The following CEP57L1 variants were observed in gnomAD, a reference collection of about 807,000 sequenced individuals.
CEP57L1 encodes the protein centrosomal protein CEP57L1.
Under a neutral mutation model 61.0 loss-of-function variants are expected in CEP57L1, and 37 were observed. That is an observed-to-expected ratio of 0.61 (90% CI 0.47 to 0.80). The LOEUF is 0.80. CEP57L1 is among the 30% of genes least tolerant of loss of function. The pLI is 0.00. For synonymous variants in CEP57L1, 137 were observed against 162.3 expected (o/e 0.84, Z 1.19); for missense variants, 422 against 524.7 (o/e 0.80, Z 1.91).
intron 10 of CEP57L1, among the ~76,000 whole-genome samples, chr6:109,161,121 C>A (rs568357481): frequency 6.6e-6 from 1 of 152,196 alleles, no homozygotes; most frequent in South Asian, 2.1e-4. Flanking sequence ...ACCTGGCTCC[C>A]AAGCAGTGCC....
intron 1 of CEP57L1, among the ~76,000 whole-genome samples, chr6:109,123,089 C>T (rs1773162105): frequency 6.6e-6 from 1 of 152,068 alleles, no homozygotes; most frequent in Admixed American, 6.5e-5. Flanking sequence ...TAAAAATTCT[C>T]AGGGTATTCT....
Position 109,164,804 on chromosome 6 carries a change from A to G in CEP57L1, c.*1834A>G, listed in dbSNP as rs1219633068. 2.0e-5 allele frequency among the ~76,000 whole-genome samples: 3 copies of G among 151,996 alleles called. No individual in the cohort carries two copies. The highest frequency in any genetic ancestry group is 4.1e-4 in the South Asian group (2 of 4,826). ...ATCATTAAAAATTTAAAAACCGTCC[A>G]GGCGCGGTGGCTCACACCTATAATC... On this transcript the variant is annotated 3_prime_UTR_variant, in exon 11 of 11. Coordinates refer to ENST00000517392, the MANE Select transcript of CEP57L1 (RefSeq NM_001271852.3).
intron 2 of CEP57L1, among the ~76,000 whole-genome samples, chr6:109,145,642 AT>A (rs1771883327): frequency 6.6e-6 from 1 of 151,952 alleles, no homozygotes; most frequent in Admixed American, 6.6e-5. Context: ...AAACAGGAAA[AT>A]ACTCTTTGAA....
intron 1 of CEP57L1, among the ~76,000 whole-genome samples, chr6:109,116,123 TGTTGTG>T (rs1562512052): frequency 7.1e-4 from 96 of 136,070 alleles, no homozygotes; most frequent in African/African-American, 2.9e-3. Context: ...TTATGTTATG[TGTTGTG>T]TTATGTTATG....
chr6:109,101,890 A>T (rs1435603932), intron 1 of CEP57L1, among the ~76,000 whole-genome samples: 1 of 152,184 alleles, frequency 6.6e-6, no homozygotes, highest in Non-Finnish European at 1.5e-5. Flanking sequence ...AAGTGCTGGG[A>T]TTATAGGCGT....
chr6:109,158,912 C>T, intron 7 of CEP57L1, 113 bp from the exon 8 acceptor site: 1 of 1,018,516 alleles, frequency 9.8e-7, no homozygotes, highest in African/African-American at 1.6e-5. Flanking sequence ...CTGTCCATGT[C>T]TTTTGCCCAT....
At chr6:109,144,595 A>G (rs1194254869) in intron 1 of CEP57L1, among the ~76,000 whole-genome samples, 1 of 152,134 alleles carries the variant, frequency 6.6e-6, no homozygotes, top group Non-Finnish European at 1.5e-5. Flanking sequence ...AACAAAAACA[A>G]CAACAAAATA....
At chr6:109,125,264 G>T (rs775411120) in intron 1 of CEP57L1, among the ~76,000 whole-genome samples, 6 of 152,050 alleles carry the variant, frequency 3.9e-5, no homozygotes, top group African/African-American at 9.7e-5. Context: ...AACACTTTAG[G>T]AGTCTTTCTT....
At chr6:109,098,327 A>G (rs527874630) in intron 1 of CEP57L1, among the ~76,000 whole-genome samples, 1 of 152,214 alleles carries the variant, frequency 6.6e-6, no homozygotes, top group South Asian at 2.1e-4. Flanking sequence ...TTGTGTTTTT[A>G]GTAGAGACAG....
At chr6:109,160,512 T>C (rs1233573281) in intron 9 of CEP57L1, 60 bp from the exon 10 acceptor site, 2 of 1,355,494 alleles carry the variant, frequency 1.5e-6, no homozygotes, top group Non-Finnish European at 2.0e-6. Flanking sequence ...TGCTTAATTA[T>C]GGCAAAGAAA....
intron 1 of CEP57L1, among the ~76,000 whole-genome samples, chr6:109,104,656 A>C (rs974447672): frequency 6.6e-5 from 10 of 152,092 alleles, no homozygotes; most frequent in African/African-American, 2.4e-4. Context: ...ATCACAGCCC[A>C]CTGCAAGCCT....
chr6:109,104,167 T>C (rs1026428408), intron 1 of CEP57L1, among the ~76,000 whole-genome samples: 1 of 152,206 alleles, frequency 6.6e-6, no homozygotes, highest in East Asian at 1.9e-4. Context: ...GTAACTTACT[T>C]TCTGTTTTAC....
At chr6:109,160,982 G>A (rs913550521) in intron 10 of CEP57L1, among the ~76,000 whole-genome samples, 1 of 152,142 alleles carries the variant, frequency 6.6e-6, no homozygotes, top group Non-Finnish European at 1.5e-5. Context: ...GAAATTGTGA[G>A]GCAGACTAAA....
intron 3 of CEP57L1, among the ~76,000 whole-genome samples, chr6:109,148,332 T>C (rs1772197787): frequency 6.6e-6 from 1 of 151,632 alleles, no homozygotes; most frequent in African/African-American, 2.4e-5. Flanking sequence ...TGTGTTCTCA[T>C]TGTTCAATTC....
chr6:109,136,217 A>T (rs906742216), intron 1 of CEP57L1, among the ~76,000 whole-genome samples: 3 of 152,236 alleles, frequency 2.0e-5, no homozygotes, highest in African/African-American at 7.2e-5. Context: ...CATATACACC[A>T]TGGAATACTA....
chr6:109,162,837 A>G lies in CEP57L1; in HGVS notation c.1250A>G (p.Lys417Arg). 6.2e-7 allele frequency: 1 copy of G among 1,613,500 alleles called. No individual in the cohort carries two copies. The highest frequency in any genetic ancestry group is 8.5e-7 in the Non-Finnish European group (1 of 1,179,590). Residue 417 changes from lysine (K) to arginine (R), a missense_variant, in exon 11 of 11, where the codon AAG becomes AGG. Coordinates refer to ENST00000517392, the MANE Select transcript of CEP57L1 (RefSeq NM_001271852.3). The stretch of plus-strand genomic sequence containing the variant: ...GAAGACAGCTACCCTAAAGGATCAA[A>G]GAACATAAAAAATAGCCCCAGAAAA... ...QQEDSYPKGS[K>R]NIKNSPRKCL...
intron 1 of CEP57L1, among the ~76,000 whole-genome samples, chr6:109,133,534 C>A (rs746427932): frequency 6.6e-6 from 1 of 151,960 alleles, no homozygotes; most frequent in Non-Finnish European, 1.5e-5. Context: ...TGTTAAGATA[C>A]CATTTTTCTG....
chr6:109,124,021 A>G (rs974070425), intron 1 of CEP57L1, among the ~76,000 whole-genome samples: 3 of 152,076 alleles, frequency 2.0e-5, no homozygotes, highest in Admixed American at 2.0e-4. Context: ...CAGTGAACCA[A>G]GATCGCACCA....
At chr6:109,111,756 C>T (rs780241865) in intron 1 of CEP57L1, among the ~76,000 whole-genome samples, 2 of 152,162 alleles carry the variant, frequency 1.3e-5, no homozygotes, top group South Asian at 4.1e-4. Context: ...TTGTCAAAGG[C>T]CTTTCCTGCG....
Sources: allele counts gnomAD v4.1 joint callset (sites outside exome capture counted in the v4.1 genomes callset), GRCh38; gene constraint gnomAD v4.1.1; transcripts MANE v1.5; gene names NCBI Gene and HGNC (gene_info 2026-07-23, HGNC 2026-07-21).